TIAM2: variants seen among roughly 807,000 people sequenced by gnomAD.
TIAM2 encodes rho guanine nucleotide exchange factor TIAM2.
In TIAM2, 80 loss-of-function variants were observed where a neutral mutation model predicts 152.9. That is an observed-to-expected ratio of 0.52 (90% CI 0.44 to 0.63). The LOEUF (loss-of-function observed/expected upper bound fraction) is 0.63. Ranked by LOEUF, TIAM2 falls within the 30% of genes least tolerant of loss-of-function variation. TIAM2 has a pLI of 0.00. For synonymous variants in TIAM2, 804 were observed against 838.0 expected (o/e 0.96, Z 0.70); for missense variants, 1,965 against 2,120.1 (o/e 0.93, Z 1.44).
Position 155,240,572 on chromosome 6 carries a change from A to G in TIAM2, c.3211A>G (p.Ser1071Gly). The change falls in exon 16 of 27, where the codon AGT becomes GGT. Residue 1071 changes from serine to glycine, a missense_variant. By Grantham distance (56) the Ser-to-Gly change is moderately conservative. Around this residue, in one of 3 missense-constraint regions of TIAM2, gnomAD observed 935 missense variants for 980.0 expected, o/e 0.95. Coordinates refer to ENST00000682666, the MANE Select transcript of TIAM2 (RefSeq NM_012454.4). ...TGCACTGTGCAGGAGTTTTAACGAC[A>G]GTCAGGCCAACGGCATGGAAGGACC... ...ITALCRSFND[S>G]QANGMEGPRE... is the part of the protein sequence containing the mutation. 1 of 1,614,150 alleles carries G rather than the reference A, an allele frequency of 6.2e-7. No individual in the cohort carries two copies.
intron 3 of TIAM2, among the ~76,000 whole-genome samples, 183 bp downstream of exon 3, chr6:155,127,783 A>T (rs1463601442): frequency 2.6e-5 from 4 of 152,254 alleles, no homozygotes; most frequent in Non-Finnish European, 1.5e-5. Flanking sequence ...ATATAAAAGA[A>T]TTAAAAATAA....
chr6:155,042,056 C>T (rs1467963579), intron 1 of TIAM2, among the ~76,000 whole-genome samples: 5 of 151,612 alleles, frequency 3.3e-5, no homozygotes, highest in Non-Finnish European at 5.9e-5. Context: ...AGTGTTTGTT[C>T]TTTATGGGAG....
chr6:155,249,968 A>T lies in TIAM2; in HGVS notation c.3950A>T (p.Glu1317Val), dbSNP rs766798367. Residue 1317 changes from glutamate to valine, a missense_variant and splice_region_variant, in exon 21 of 27, where the codon GAG becomes GTG. Around this residue, in one of 3 missense-constraint regions of TIAM2, gnomAD observed 935 missense variants for 980.0 expected, o/e 0.95. Transcript: ENST00000682666. Reference protein sequence around the residue: ...LVAEQSGTEKEVTELSMGELL... With the variant: ...LVAEQSGTEKVVTELSMGELL... ...GCTGAGCAGAGCGGAACAGAGAAGG[A>T]GGTCCGTGAGACATCTGCACCCTGG... 3 of 1,611,116 alleles carry T rather than the reference A, an allele frequency of 1.9e-6. No individual in the cohort carries two copies. Among genetic ancestry groups the T allele is most frequent in the Non-Finnish European group, 2.5e-6 (3 of 1,178,324 alleles).
At chr6:155,221,233 G>A (rs867998314) in intron 15 of TIAM2, among the ~76,000 whole-genome samples, 2 of 152,028 alleles carry the variant, frequency 1.3e-5, no homozygotes, top group Middle Eastern at 3.4e-3. Flanking sequence ...CGCTGTGAGA[G>A]CTGCAGTGTG....
At chr6:155,157,908 T>G (rs1388314319) in intron 7 of TIAM2, among the ~76,000 whole-genome samples, 3 of 152,228 alleles carry the variant, frequency 2.0e-5, no homozygotes, top group African/African-American at 7.2e-5. Context: ...ATTATAAAAC[T>G]GAGTGAATTT....
chr6:155,182,222 C>T lies in TIAM2; in HGVS notation c.2708-4C>T. On this transcript the variant is annotated splice_polypyrimidine_tract_variant and splice_region_variant and intron_variant, in intron 12 of 26. Transcript: ENST00000682666. ...TTGCTTTTTCCTTTTGTTTTCATTCCTAGGGTTTGCAGTTACAGCGCAGGT... is the reference window on the plus strand; with the variant it reads ...TTGCTTTTTCCTTTTGTTTTCATTCTTAGGGTTTGCAGTTACAGCGCAGGT... 1 of 1,613,686 alleles carries T rather than the reference C, an allele frequency of 6.2e-7. No individual in the cohort carries two copies. The highest frequency in any genetic ancestry group is 8.5e-7 in the Non-Finnish European group (1 of 1,179,672).
intron 1 of TIAM2, among the ~76,000 whole-genome samples, chr6:155,027,279 G>T (rs935517870): frequency 6.7e-6 from 1 of 150,260 alleles, no homozygotes; most frequent in South Asian, 2.1e-4. Context: ...ACTTGCCTGG[G>T]CCTCCCAAAG....
At chr6:155,249,106 A>C (rs1783503265) in intron 20 of TIAM2, among the ~76,000 whole-genome samples, 1 of 152,178 alleles carries the variant, frequency 6.6e-6, no homozygotes, top group South Asian at 2.1e-4. Context: ...GATTTAAAAA[A>C]CTTCCTTCCA....
chr6:155,098,257 G>A (rs6927399), intron 2 of TIAM2, among the ~76,000 whole-genome samples: 3,104 of 152,106 alleles, frequency 0.02, 115 homozygotes, highest in African/African-American at 0.07. Flanking sequence ...TCTGTAAATT[G>A]CTTTGCGTAG....
At chr6:155,103,102 GAT>G (rs1352940968) in intron 2 of TIAM2, among the ~76,000 whole-genome samples, 2 of 152,130 alleles carry the variant, frequency 1.3e-5, no homozygotes, top group Non-Finnish European at 2.9e-5. Flanking sequence ...GCATTAGAAA[GAT>G]CAAGTCTAGT....
At position 155,174,725 on chromosome 6, in the gene TIAM2, GCA is replaced by G. The variant is rs2115125038; in HGVS notation, c.2362-2088_2362-2087del. On this transcript the variant is annotated intron_variant, in intron 9 of 26. Transcript: ENST00000682666. The surrounding 1 kb of genome is among the most constrained non-coding windows in gnomAD (Gnocchi z 4.2). ...ACGGTGAGAACAAGAGGGTGTGAAG[GCA>G]CAGTGTTAATTTGTACTGCTCATGT... Among the ~76,000 whole-genome samples the G allele has an allele frequency of 6.6e-6, 1 of 152,268 alleles. No homozygotes were observed. The highest frequency in any genetic ancestry group is 1.5e-5 in the Non-Finnish European group (1 of 68,018).
chr6:155,031,510 C>T (rs1442662594), intron 1 of TIAM2, among the ~76,000 whole-genome samples: 1 of 152,046 alleles, frequency 6.6e-6, no homozygotes, highest in Non-Finnish European at 1.5e-5. Flanking sequence ...ATTACTTGAA[C>T]CCAGGAGTTT....
intron 2 of TIAM2, among the ~76,000 whole-genome samples, chr6:155,109,515 G>C (rs1778784902): frequency 6.6e-6 from 1 of 152,194 alleles, no homozygotes; most frequent in African/African-American, 2.4e-5. Flanking sequence ...AGATAAACCT[G>C]AATGTCTGAC....
intron 4 of TIAM2, among the ~76,000 whole-genome samples, chr6:155,133,277 G>GTGGA (rs1562327244): frequency 1.3e-5 from 2 of 152,168 alleles, no homozygotes; most frequent in Non-Finnish European, 2.9e-5. Flanking sequence ...AACCTGGGAG[G>GTGGA]TGGAGGTTGC....
intron 1 of TIAM2, among the ~76,000 whole-genome samples, chr6:155,019,021 C>G (rs1776407394): frequency 6.7e-6 from 1 of 148,770 alleles, no homozygotes. Flanking sequence ...GCCTGGGTGA[C>G]AGAGTGAGAC....
chr6:155,128,381 C>A (rs1225958633), intron 3 of TIAM2, among the ~76,000 whole-genome samples: 1 of 152,038 alleles, frequency 6.6e-6, no homozygotes, highest in African/African-American at 2.4e-5. Flanking sequence ...CCCAACAGAG[C>A]CTGGTACCTG....
chr6:155,192,375 G>A (rs1288711380), intron 14 of TIAM2, among the ~76,000 whole-genome samples: 1 of 152,162 alleles, frequency 6.6e-6, no homozygotes, highest in Non-Finnish European at 1.5e-5. Context: ...CGTGTGTACA[G>A]ACAGCAGTCA....
intron 1 of TIAM2, among the ~76,000 whole-genome samples, chr6:155,001,505 C>T (rs182599370): frequency 1.1e-4 from 17 of 152,292 alleles, no homozygotes; most frequent in African/African-American, 2.9e-4. Context: ...GGATGGTTAC[C>T]GCCAGCAGAC....
intron 14 of TIAM2, among the ~76,000 whole-genome samples, chr6:155,185,433 CT>C (rs1781018753): frequency 6.6e-6 from 1 of 151,688 alleles, no homozygotes; most frequent in Admixed American, 6.6e-5. Context: ...GGCTGTTTTT[CT>C]TTTCTTTTTA....
Sources: allele counts gnomAD v4.1 joint callset (sites outside exome capture counted in the v4.1 genomes callset), GRCh38; gene constraint gnomAD v4.1.1; regional missense constraint gnomAD v4.1.1; non-coding constraint Gnocchi (gnomAD v3.1); transcripts MANE v1.5; gene names NCBI Gene and HGNC (gene_info 2026-07-23, HGNC 2026-07-21).